ARHGEF4: variants seen among roughly 807,000 people sequenced by gnomAD.
The protein encoded by ARHGEF4 is APC-stimulated guanine nucleotide exchange factor 1.
In ARHGEF4, 119 loss-of-function variants were observed where a neutral mutation model predicts 162.0. The ratio of observed to expected loss-of-function variants is 0.73; its 90% CI spans 0.63 to 0.86. The LOEUF (loss-of-function observed/expected upper bound fraction) is 0.86. ARHGEF4 is among the 40% of genes least tolerant of loss of function. The probability of loss-of-function intolerance (pLI) is 0.00; values close to 1 mark genes in which losing one functional copy is unlikely to be tolerated. For missense variants in ARHGEF4, 2,488 were observed against 2,456.0 expected (o/e 1.01, Z -0.28); for synonymous variants, 1,014 against 979.9 (o/e 1.03, Z -0.65).
Position 131,041,393 on chromosome 2 carries a change from C to A in ARHGEF4, c.4826C>A (p.Pro1609Gln). 6.2e-7 allele frequency: 1 copy of A among 1,613,396 alleles called. No homozygotes were observed. Among genetic ancestry groups the A allele is most frequent in the Non-Finnish European group, 8.5e-7 (1 of 1,180,030 alleles). The change falls in exon 9 of 14, where the codon CCG (proline) becomes CAG (glutamine). Residue 1609 changes from proline to glutamine, a missense_variant. Around this residue, in one of 6 missense-constraint regions of ARHGEF4, gnomAD observed 415 missense variants for 512.4 expected, o/e 0.81. Coordinates refer to ENST00000409359, the MANE Select transcript of ARHGEF4 (RefSeq NM_001367493.1). ...DISLDGFLLT[P>Q]VQKICKYPLQ... is the part of the protein sequence containing the mutation. The stretch of plus-strand genomic sequence containing the variant: ...TCCCTGGATGGCTTCCTGCTGACTC[C>A]GGTGCAGAAGATCTGCAAGTACCCT...
chr2:130,951,129 A>C (rs531771856), intron 4 of ARHGEF4, among the ~76,000 whole-genome samples: 1 of 152,312 alleles, frequency 6.6e-6, no homozygotes, highest in South Asian at 2.1e-4. Flanking sequence ...GTTGTGGCTG[A>C]TTTGATCTTC....
At chr2:130,955,883 C>T (rs1684237245) in intron 4 of ARHGEF4, among the ~76,000 whole-genome samples, 1 of 152,210 alleles carries the variant, frequency 6.6e-6, no homozygotes, top group Non-Finnish European at 1.5e-5. Context: ...GCAACCTCCA[C>T]TGTTCTTGAA....
chr2:130,847,002 T>C (rs929325578), intron 1 of ARHGEF4, among the ~76,000 whole-genome samples: 3 of 152,198 alleles, frequency 2.0e-5, no homozygotes, highest in Non-Finnish European at 4.4e-5. Context: ...CCAGATTTGA[T>C]TCTCCAGAGG....
At chr2:130,984,034 G>A (rs747681814) in intron 4 of ARHGEF4, among the ~76,000 whole-genome samples, 16 of 152,138 alleles carry the variant, frequency 1.1e-4, no homozygotes, top group Non-Finnish European at 1.6e-4. Flanking sequence ...ATAGATATGC[G>A]TACACACACA....
rs1170349560 is a variant in ARHGEF4 at position 130,861,001 on chromosome 2, G to T, written c.39+24009G>T. ...AGCCCTAGAGCAAGCACTAAGAAAA[G>T]AACTTACATAGTAAAAAAAAAAAAA... On this transcript the variant is annotated intron_variant, in intron 1 of 13. Transcript: ENST00000409359. Among the ~76,000 whole-genome samples the T allele has an allele frequency of 1.3e-3, 67 of 50,432 alleles. 1 individual carries two copies. Among genetic ancestry groups the T allele is most frequent in the Middle Eastern group, 0.012 (1 of 84 alleles). The allele number at this position is 50,432 out of a possible 152,430, so 33.1% of individuals were successfully genotyped here. A position where few individuals can be genotyped will look rare whatever the true frequency, so the allele number is the denominator to read the frequency against.
chr2:131,045,627 G>A (rs1691190408), intron 13 of ARHGEF4, 181 bp downstream of exon 13: 5 of 1,540,390 alleles, frequency 3.2e-6, no homozygotes, highest in Non-Finnish European at 4.4e-6. Flanking sequence ...GCCTGGGTCA[G>A]TATATGGTTG....
rs1682587088 is a variant in ARHGEF4 at position 130,930,885 on chromosome 2, G to A, written c.3553-67G>A. On this transcript the variant is annotated intron_variant, in intron 2 of 13. Coordinates refer to ENST00000409359, the MANE Select transcript of ARHGEF4 (RefSeq NM_001367493.1). ...CCCAAAAGGAACTAGGCAGAGGAAGGACAGCGTGTTCCCAGTTGATATGTC... is the reference window on the plus strand; with the variant it reads ...CCCAAAAGGAACTAGGCAGAGGAAGAACAGCGTGTTCCCAGTTGATATGTC... 7 of 1,469,516 alleles carry A rather than the reference G, an allele frequency of 4.8e-6. No individual in the cohort carries two copies. In the Admixed American group the frequency reaches 1.2e-4, roughly 25 times the overall value. The allele number at this position is 1,469,516 out of a possible 1,614,324, so 91.0% of individuals were successfully genotyped here. A position where few individuals can be genotyped will look rare whatever the true frequency, so the allele number is the denominator to read the frequency against.
chr2:130,939,531 C>T (rs1683164683), intron 3 of ARHGEF4, among the ~76,000 whole-genome samples: 1 of 152,122 alleles, frequency 6.6e-6, no homozygotes, highest in African/African-American at 2.4e-5. Flanking sequence ...GGAGTCCTTC[C>T]ACTATATTTC....
chr2:130,987,870 G>A (rs139857836), intron 4 of ARHGEF4, among the ~76,000 whole-genome samples: 11 of 152,292 alleles, frequency 7.2e-5, no homozygotes, highest in East Asian at 1.9e-4. Flanking sequence ...TTTAAGAGAC[G>A]TCTTGGGAGC....
At chr2:131,046,013 C>G in intron 13 of ARHGEF4, 25 bp from the exon 14 acceptor site, 1 of 1,598,374 alleles carries the variant, frequency 6.3e-7, no homozygotes, top group South Asian at 1.1e-5. Flanking sequence ...GCACCCATGA[C>G]CCTCTGCTGT....
At chr2:130,985,814 G>A (rs1686443816) in intron 4 of ARHGEF4, among the ~76,000 whole-genome samples, 1 of 151,592 alleles carries the variant, frequency 6.6e-6, no homozygotes, top group African/African-American at 2.4e-5. Context: ...GTTTTTTGTT[G>A]TGTATATGTT....
intron 4 of ARHGEF4, among the ~76,000 whole-genome samples, chr2:131,018,526 G>T (rs1349185939): frequency 6.6e-6 from 1 of 152,126 alleles, no homozygotes. Context: ...ATGATTTGCA[G>T]ATATTTTCTT....
Position 131,044,308 on chromosome 2 carries a change from C to A in ARHGEF4, c.5167C>A (p.Arg1723Ser). Residue 1723 changes from arginine (R) to serine (S), a missense_variant, in exon 12 of 14, where the codon CGC becomes AGC. Arg to Ser is a moderately radical substitution (Grantham distance 110). Around this residue, in one of 6 missense-constraint regions of ARHGEF4, gnomAD observed 415 missense variants for 512.4 expected, o/e 0.81. Transcript: ENST00000409359. ...GGCCAGCATCTGGCAGGACCTGCTCCGCCGCGACGTGTTGTACTACAAGGG... is the reference window on the plus strand; with the variant it reads ...GGCCAGCATCTGGCAGGACCTGCTCAGCCGCGACGTGTTGTACTACAAGGG... ...QLIYCKKDLL[R>S]RDVLYYKGRL... is the part of the protein sequence containing the mutation. The A allele has an allele frequency of 6.2e-7, 1 of 1,610,458 alleles. No homozygotes were observed. The highest frequency in any genetic ancestry group is 8.5e-7 in the Non-Finnish European group (1 of 1,178,990).
intron 4 of ARHGEF4, among the ~76,000 whole-genome samples, chr2:130,988,501 C>CA (rs1384152427): frequency 1.3e-5 from 2 of 152,062 alleles, no homozygotes; most frequent in East Asian, 1.9e-4. Context: ...GAAATTTTAC[C>CA]AAAAAAATCA....
intron 4 of ARHGEF4, among the ~76,000 whole-genome samples, chr2:130,996,572 C>T (rs2105298691): frequency 6.6e-6 from 1 of 152,308 alleles, no homozygotes; most frequent in Non-Finnish European, 1.5e-5. Flanking sequence ...TTGCCTTCAA[C>T]TGTCTACTGG....
intron 4 of ARHGEF4, 37 bp downstream of exon 4, chr2:130,946,672 G>A: frequency 6.2e-7 from 1 of 1,611,696 alleles, no homozygotes; most frequent in Non-Finnish European, 8.5e-7. Context: ...TATGTACTCT[G>A]GATCCTGGCA....
intron 1 of ARHGEF4, among the ~76,000 whole-genome samples, chr2:130,893,839 G>A (rs1680002481): frequency 6.6e-6 from 1 of 152,250 alleles, no homozygotes; most frequent in African/African-American, 2.4e-5. Flanking sequence ...TCCAAACTTA[G>A]CAGGCGAGAA....
intron 2 of ARHGEF4, among the ~76,000 whole-genome samples, chr2:130,920,335 G>C (rs1681797758): frequency 6.6e-6 from 1 of 152,144 alleles, no homozygotes; most frequent in Admixed American, 6.5e-5. Context: ...AGTCTGCATG[G>C]GTTTTAACAA....
chr2:130,991,032 A>C (rs1686916685), intron 4 of ARHGEF4, among the ~76,000 whole-genome samples: 1 of 152,256 alleles, frequency 6.6e-6, no homozygotes, highest in Non-Finnish European at 1.5e-5. Flanking sequence ...TATATCCAGC[A>C]GGTGTTCAAA....
Sources: gnomAD v4.1 joint callset for allele counts (sites outside exome capture counted in the v4.1 genomes callset) on GRCh38, gnomAD v4.1.1 for gene constraint, gnomAD v4.1.1 regional missense constraint, MANE v1.5 for transcripts, NCBI Gene and HGNC (gene_info 2026-07-23, HGNC 2026-07-21) for gene names.